RGSL1: variants seen among roughly 807,000 people sequenced by gnomAD.
RGSL1 encodes the protein regulator of G protein signaling like 1.
In RGSL1, 97 loss-of-function variants were observed where a neutral mutation model predicts 124.7. That is an observed-to-expected ratio of 0.78 (90% CI 0.66 to 0.92). The LOEUF is 0.92. RGSL1 is among the 40% of genes least tolerant of loss of function. The pLI is 0.00. For missense variants in RGSL1, 1,233 were observed against 1,288.4 expected (o/e 0.96, Z 0.66); for synonymous variants, 424 against 438.1 (o/e 0.97, Z 0.40).
At chr1:182,515,186 C>T (rs953068957) in intron 9 of RGSL1, among the ~76,000 whole-genome samples, 2 of 152,164 alleles carry the variant, frequency 1.3e-5, no homozygotes, top group African/African-American at 2.4e-5. Flanking sequence ...TCACCTATGC[C>T]TCCATCCCGC....
chr1:182,498,564 T>C (rs943278466), intron 9 of RGSL1, among the ~76,000 whole-genome samples: 1 of 152,244 alleles, frequency 6.6e-6, no homozygotes, highest in Non-Finnish European at 1.5e-5. Context: ...TCTTGATTTC[T>C]GCCTCAATTT....
At chr1:182,490,310 A>G (rs557748763) in intron 8 of RGSL1, among the ~76,000 whole-genome samples, 1 of 152,312 alleles carries the variant, frequency 6.6e-6, no homozygotes, top group East Asian at 1.9e-4. Context: ...TTCTTCATCT[A>G]TTTAGTGGAG....
Position 182,548,312 on chromosome 1 carries a change from T to G in RGSL1, c.2670-5T>G, listed in dbSNP as rs1267266678. The G allele has an allele frequency of 1.3e-6, 2 of 1,551,910 alleles. No individual in the cohort carries two copies. Among genetic ancestry groups the G allele is most frequent in the African/African-American group, 2.7e-5 (2 of 73,150 alleles). The stretch of plus-strand genomic sequence containing the variant: ...CTGATTTCCTACTTCACATTTCTTT[T>G]TTAGATTTAATGATCTGGTCAGTTC... On this transcript the variant is annotated splice_polypyrimidine_tract_variant and splice_region_variant and intron_variant, in intron 15 of 21. Transcript: ENST00000294854.
At chr1:182,462,299 T>A (rs1652907110) in intron 4 of RGSL1, among the ~76,000 whole-genome samples, 1 of 152,078 alleles carries the variant, frequency 6.6e-6, no homozygotes, top group African/African-American at 2.4e-5. Context: ...ATTAAGATAT[T>A]CCCAGATAAA....
intron 9 of RGSL1, among the ~76,000 whole-genome samples, chr1:182,509,415 A>C (rs868164583): frequency 3.3e-4 from 6 of 18,078 alleles, no homozygotes; most frequent in Non-Finnish European, 5.3e-4. Context: ...CTCACCTCCC[A>C]GACGGGGCGG....
At chr1:182,541,571 T>TGG in intron 15 of RGSL1, among the ~76,000 whole-genome samples, 1 of 152,164 alleles carries the variant, frequency 6.6e-6, no homozygotes, top group African/African-American at 2.4e-5. Context: ...ATACTCATTT[T>TGG]CTTTCCTTTG....
At chr1:182,509,563 G>A (rs75737199) in intron 9 of RGSL1, among the ~76,000 whole-genome samples, 2 of 121,780 alleles carry the variant, frequency 1.6e-5, no homozygotes, top group Non-Finnish European at 3.5e-5. Flanking sequence ...TCTCCCTCCC[G>A]GACGGGGTGG....
chr1:182,511,282 A>G (rs997964256), intron 9 of RGSL1, among the ~76,000 whole-genome samples: 2 of 152,106 alleles, frequency 1.3e-5, no homozygotes, highest in African/African-American at 4.8e-5. Flanking sequence ...CTCCTGCCTC[A>G]GCCTCCCAAG....
chr1:182,482,829 T>C (rs1387247623), intron 6 of RGSL1, among the ~76,000 whole-genome samples: 3 of 152,242 alleles, frequency 2.0e-5, no homozygotes, highest in Non-Finnish European at 4.4e-5. Context: ...ATTATGTTCA[T>C]TGCAGAATTA....
chr1:182,558,891 A>G (rs1369977186), intron 21 of RGSL1, among the ~76,000 whole-genome samples: 21 of 152,140 alleles, frequency 1.4e-4, no homozygotes, highest in Admixed American at 1.4e-3. Flanking sequence ...AAGGTCACAC[A>G]TTCACAGATT....
chr1:182,517,625 T>C (rs1425689858), intron 9 of RGSL1, among the ~76,000 whole-genome samples: 2 of 152,174 alleles, frequency 1.3e-5, no homozygotes, highest in African/African-American at 4.8e-5. Context: ...TCAAGCTCAC[T>C]GGTTCTTTCC....
chr1:182,470,050 T>A (rs1257414581), intron 4 of RGSL1, among the ~76,000 whole-genome samples: 2 of 151,958 alleles, frequency 1.3e-5, no homozygotes, highest in Admixed American at 6.6e-5. Context: ...AGAGTTTCAG[T>A]TTTGCAAGAT....
chr1:182,532,761 C>T lies in RGSL1; in HGVS notation c.2464C>T (p.Leu822Phe). 6.4e-7 allele frequency: 1 copy of T among 1,550,730 alleles called. No individual in the cohort carries two copies. The highest frequency in any genetic ancestry group is 8.7e-7 in the Non-Finnish European group (1 of 1,146,304). ...PSKRQEFEDYLHQEMQNSKEN... is the reference protein window; with the variant it reads ...PSKRQEFEDYFHQEMQNSKEN... ...TAAGCGCCAGGAATTTGAAGACTAT[C>T]TTCACCAGGAAATGCAAAATAGCAA... The change falls in exon 14 of 22, where the codon CTT (leucine) becomes TTT (phenylalanine). Residue 822 changes from leucine (L) to phenylalanine (F), a missense_variant. Transcript: ENST00000294854.
At chr1:182,542,109 T>C (rs1659928665) in intron 15 of RGSL1, among the ~76,000 whole-genome samples, 1 of 152,174 alleles carries the variant, frequency 6.6e-6, no homozygotes, top group Non-Finnish European at 1.5e-5. Flanking sequence ...GTTTCTGCTT[T>C]GGCTCCCTAT....
rs759688790 is a variant in RGSL1 at position 182,551,183 on chromosome 1, C to T, written c.3017C>T (p.Thr1006Met). Residue 1006 changes from threonine to methionine, a missense_variant, in exon 18 of 22, where the codon ACG becomes ATG. Thr to Met is a moderately conservative substitution (Grantham distance 81). Transcript: ENST00000294854. ...GACAGAAAAAGCCCTCCTAAATCTA[C>T]GGACAAGTATCCTTTCTCGAGTGGA... ...FKDRKSPPKSTDKYPFSSGGD... is the reference protein window; with the variant it reads ...FKDRKSPPKSMDKYPFSSGGD... 87 of 1,551,386 alleles carry T rather than the reference C, an allele frequency of 5.6e-5. No homozygotes were observed. Among genetic ancestry groups the T allele is most frequent in the African/African-American group, 1.8e-4 (13 of 73,054 alleles).
At chr1:182,517,227 T>C (rs1657963475) in intron 9 of RGSL1, among the ~76,000 whole-genome samples, 1 of 152,052 alleles carries the variant, frequency 6.6e-6, no homozygotes, top group Admixed American at 6.5e-5. Flanking sequence ...TTGAGAAGTC[T>C]GTTACTAGAT....
chr1:182,491,514 C>G (rs776972896), intron 8 of RGSL1, among the ~76,000 whole-genome samples: 1 of 152,146 alleles, frequency 6.6e-6, no homozygotes, highest in Non-Finnish European at 1.5e-5. Flanking sequence ...CACACCCGAC[C>G]ACTATCATCT....
rs781442184 is a variant in RGSL1, at chr1:182,532,676, G to T, written c.2379G>T (p.Met793Ile). The T allele has an allele frequency of 3.5e-5, 54 of 1,550,904 alleles. No homozygotes were observed. The highest frequency in any genetic ancestry group is 4.4e-5 in the Non-Finnish European group (50 of 1,146,404). Residue 793 changes from methionine (M) to isoleucine (I), a missense_variant, in exon 14 of 22, where the codon ATG becomes ATT. Physicochemically the swap from Met to Ile is conservative, Grantham distance 10. Transcript: ENST00000294854. ...TCTTTCCCCAGAAGAAAGGCTGGAT[G>T]AGAATGATCAGCTTTATCAGGAGTT... ...YLQESQKKGWMRMISFIRSFC... is the reference protein window; with the variant it reads ...YLQESQKKGWIRMISFIRSFC...
rs1327059159 is a variant in RGSL1 at position 182,555,091 on chromosome 1, T to C, written c.3197+398T>C. 3 of 190,158 alleles carry C rather than the reference T, an allele frequency of 1.6e-5. No individual in the cohort carries two copies. The South Asian group carries it at 3.4e-4, about 22-fold the overall frequency. The allele number at this position is 190,158 out of a possible 1,614,324, so 11.8% of individuals were successfully genotyped here. A position where few individuals can be genotyped will look rare whatever the true frequency, so the allele number is the denominator to read the frequency against. Reference sequence around the variant, plus strand: ...TTTAGTGTAGTCATGATCCAAATAGTATACATTGTGCCCATTAGGTAATTT... The same window carrying C: ...TTTAGTGTAGTCATGATCCAAATAGCATACATTGTGCCCATTAGGTAATTT... On this transcript the variant is annotated intron_variant, in intron 20 of 21. Coordinates refer to ENST00000294854, the MANE Select transcript of RGSL1 (RefSeq NM_001137669.2).
Sources: gnomAD v4.1 joint callset for allele counts (sites outside exome capture counted in the v4.1 genomes callset) on GRCh38, gnomAD v4.1.1 for gene constraint, MANE v1.5 for transcripts, NCBI Gene and HGNC (gene_info 2026-07-23, HGNC 2026-07-21) for gene names.